GDA: variants seen among roughly 807,000 people sequenced by gnomAD.
The protein encoded by GDA is cytoplasmic PSD-95 interactor.
A neutral mutation model predicts 59.6 loss-of-function variants in GDA; 18 were observed. The ratio of observed to expected loss-of-function variants is 0.30; its 90% CI spans 0.21 to 0.45. GDA has a LOEUF of 0.45. Ranked by LOEUF, GDA falls within the 20% of genes least tolerant of loss-of-function variation. The pLI, the probability that GDA is intolerant of heterozygous loss-of-function variation, is 1.00. For missense variants in GDA, 427 were observed against 552.3 expected, an observed-to-expected ratio of 0.77 and a Z score of 2.27; for synonymous variants, 201 against 201.1, an observed-to-expected ratio of 1.00 and a Z score of 0.00.
At chr9:72,136,757 C>T (rs552665863) in intron 1 of GDA, among the ~76,000 whole-genome samples, 3 of 152,250 alleles carry the variant, frequency 2.0e-5, no homozygotes, top group African/African-American at 4.8e-5. Context: ...GGGCGGATCA[C>T]GAGGTCAGGA....
chr9:72,147,828 C>A (rs1313834290), upstream of GDA, among the ~76,000 whole-genome samples: 2 of 152,066 alleles, frequency 1.3e-5, no homozygotes, highest in Admixed American at 6.6e-5. Flanking sequence ...GGAGGGAGTG[C>A]AGTTGGCAGA....
At chr9:72,219,986 G>T (rs1312205855) in intron 6 of GDA, among the ~76,000 whole-genome samples, 1 of 152,288 alleles carries the variant, frequency 6.6e-6, no homozygotes, top group Non-Finnish European at 1.5e-5. Context: ...TATATTCATT[G>T]CAGTATCATT....
intron 8 of GDA, 53 bp from the exon 9 acceptor site, chr9:72,227,890 C>A: frequency 5.5e-6 from 5 of 913,998 alleles, no homozygotes; most frequent in South Asian, 1.4e-5. Context: ...GAGTGAGTAC[C>A]CACTTAATCA....
At chr9:72,230,506 A>G (rs1838214780) in intron 9 of GDA, among the ~76,000 whole-genome samples, 1 of 117,394 alleles carries the variant, frequency 8.5e-6, no homozygotes. Context: ...AAAAAAATAT[A>G]TATATATATA....
rs185814470 is a variant in GDA at position 72,182,268 on chromosome 9, A to T, written c.124-13232A>T. 8.6e-5 allele frequency among the ~76,000 whole-genome samples: 13 copies of T among 151,998 alleles called. No individual in the cohort carries two copies. In the East Asian group the frequency reaches 2.1e-3, roughly 25 times the overall value. On this transcript the variant is annotated intron_variant, in intron 1 of 13. Transcript: ENST00000358399. ...TTTCCCCTCCTCTTATTCAGAATCC[A>T]CTCCAGAACCACAGGCTCCATTTAT...
downstream of GDA, chr9:72,253,589 G>A (rs1840813971): frequency 6.6e-6 from 1 of 152,154 alleles, no homozygotes; most frequent in East Asian, 1.9e-4. Context: ...TGTCTCACCA[G>A]ACTCATGCGA....
chr9:72,216,699 G>A (rs1023202870), intron 5 of GDA, among the ~76,000 whole-genome samples: 1 of 150,698 alleles, frequency 6.6e-6, no homozygotes, highest in African/African-American at 2.4e-5. Flanking sequence ...TTTTTGAGAC[G>A]GAATCTTGCT....
intron 11 of GDA, among the ~76,000 whole-genome samples, chr9:72,244,553 A>T (rs1295586896): frequency 6.6e-6 from 1 of 152,198 alleles, no homozygotes; most frequent in Non-Finnish European, 1.5e-5. Flanking sequence ...CTTTTGAGTT[A>T]TGAGAATCTG....
At position 72,121,458 on chromosome 9, in the gene GDA, G is replaced by A. The variant is rs747756605; in HGVS notation, c.-100+6625G>A. ...CTAAAAATACAAAAATTAGCTGGGC[G>A]TGGTGGCAGGCGCCTGTAATCCCAG... On this transcript the variant is annotated intron_variant, in intron 1 of 13. Transcript: ENST00000545168. 8.5e-5 allele frequency among the ~76,000 whole-genome samples: 13 copies of A among 152,228 alleles called. No individual in the cohort carries two copies. The East Asian group carries it at 1.2e-3, about 14-fold the overall frequency.
intron 8 of GDA, among the ~76,000 whole-genome samples, chr9:72,226,990 C>T (rs565201264): frequency 1.1e-4 from 16 of 152,114 alleles, no homozygotes; most frequent in Non-Finnish European, 1.9e-4. Flanking sequence ...TGGTGGCAGG[C>T]GCCTGTAGTC....
intron 1 of GDA, among the ~76,000 whole-genome samples, chr9:72,163,390 A>G (rs1216091939): frequency 6.6e-6 from 1 of 152,236 alleles, no homozygotes; most frequent in East Asian, 1.9e-4. Flanking sequence ...TTTTATAAAA[A>G]AGAGAAATGT....
chr9:72,258,298 G>GC (rs1840908248), downstream of GDA, among the ~76,000 whole-genome samples: 1 of 151,986 alleles, frequency 6.6e-6, no homozygotes, highest in African/African-American at 2.4e-5. Flanking sequence ...GGGCAACAGA[G>GC]CAAGACCCTG....
chr9:72,118,510 A>C (rs1174768600), intron 1 of GDA, among the ~76,000 whole-genome samples: 1 of 152,152 alleles, frequency 6.6e-6, no homozygotes, highest in Non-Finnish European at 1.5e-5. Context: ...TTTCAACTCT[A>C]TCTCTAAAGA....
chr9:72,194,645 C>T (rs11143159), intron 1 of GDA, among the ~76,000 whole-genome samples: 5 of 151,880 alleles, frequency 3.3e-5, no homozygotes, highest in South Asian at 2.1e-4. Context: ...GTGTTCCCCC[C>T]CTTCCCGGCC....
chr9:72,116,175 G>C (rs12349193), intron 1 of GDA, among the ~76,000 whole-genome samples: 17,849 of 151,668 alleles, frequency 0.12, 2,169 homozygotes, highest in African/African-American at 0.31. Flanking sequence ...GGGAGGTTGC[G>C]GTGAGCCGAG....
At chr9:72,224,871 C>G (rs1292786651) in intron 7 of GDA, among the ~76,000 whole-genome samples, 2 of 146,552 alleles carry the variant, frequency 1.4e-5, no homozygotes, top group African/African-American at 2.5e-5. Flanking sequence ...ATGACTTTCT[C>G]TAGGACACAT....
chr9:72,173,792 C>A (rs1830254000), intron 1 of GDA, among the ~76,000 whole-genome samples: 1 of 152,102 alleles, frequency 6.6e-6, no homozygotes, highest in Non-Finnish European at 1.5e-5. Context: ...TAGTTCTGTT[C>A]TTTTGTCCTC....
intron 1 of GDA, among the ~76,000 whole-genome samples, chr9:72,157,733 G>A (rs2130804838): frequency 6.6e-6 from 1 of 152,206 alleles, no homozygotes; most frequent in East Asian, 1.9e-4. Flanking sequence ...AACCATCTAT[G>A]GCTCACTATT....
intron 3 of GDA, among the ~76,000 whole-genome samples, chr9:72,203,762 G>GT (rs1031799321): frequency 1.3e-5 from 2 of 151,716 alleles, no homozygotes; most frequent in Non-Finnish European, 2.9e-5. Context: ...CATCTTGCCA[G>GT]TTTTTTTGGT....
Sources: allele counts gnomAD v4.1 joint callset (sites outside exome capture counted in the v4.1 genomes callset), GRCh38; gene constraint gnomAD v4.1.1; transcripts MANE v1.5; gene names NCBI Gene and HGNC (gene_info 2026-07-23, HGNC 2026-07-21).